Variants in CA10 observed in about 807,000 individuals in gnomAD.
CA10 encodes carbonic anhydrase-related protein 10.
Under a neutral mutation model 44.2 loss-of-function variants are expected in CA10, and 14 were observed. The observed-to-expected ratio is 0.32, with a 90% CI of 0.21 to 0.50. The LOEUF is 0.50. Ranked by LOEUF, CA10 falls within the 20% of genes least tolerant of loss-of-function variation. The pLI, the probability that CA10 is intolerant of heterozygous loss-of-function variation, is 0.99. For synonymous variants in CA10, 159 were observed against 141.6 expected (o/e 1.12, Z -0.87); for missense variants, 350 against 409.7 (o/e 0.85, Z 1.26).
At chr17:51,969,439 TTAC>T (rs1158425358) in intron 2 of CA10, among the ~76,000 whole-genome samples, 50 of 152,174 alleles carry the variant, frequency 3.3e-4, no homozygotes, top group African/African-American at 1.2e-3. Flanking sequence ...GCCCTTTCTA[TTAC>T]TACTACACCA....
At chr17:51,933,189 G>A (rs943318496) in intron 2 of CA10, among the ~76,000 whole-genome samples, 1 of 152,250 alleles carries the variant, frequency 6.6e-6, no homozygotes, top group African/African-American at 2.4e-5. Flanking sequence ...CTCAGAACAT[G>A]TGAATATGCT....
chr17:51,689,936 A>C (rs979566138), intron 4 of CA10, among the ~76,000 whole-genome samples: 44 of 151,580 alleles, frequency 2.9e-4, no homozygotes, highest in Admixed American at 2.9e-3. Context: ...AGAACACTTA[A>C]AATCTACTCT....
rs975523655 is a variant in CA10, at chr17:51,679,475, A to C, written c.466-25739T>G. On this transcript the variant is annotated intron_variant, in intron 4 of 8. Transcript: ENST00000451037. ...ATGGGGTTTCACCGTGTTAGCCAGG[A>C]TGGTCTTGATCTCCTGACCTCGTGA... is the stretch of plus-strand genomic sequence containing the variant. 2.4e-4 allele frequency among the ~76,000 whole-genome samples: 36 copies of C among 151,300 alleles called. 2 individuals carry two copies. Among genetic ancestry groups the C allele is most frequent in the Admixed American group, 6.6e-5 (1 of 15,188 alleles).
intron 3 of CA10, among the ~76,000 whole-genome samples, chr17:51,757,129 T>C (rs1391218480): frequency 6.6e-6 from 1 of 152,210 alleles, no homozygotes; most frequent in Non-Finnish European, 1.5e-5. Flanking sequence ...TTCTTTGCAA[T>C]GTAATTAGTG....
chr17:51,648,883 C>T (rs185228204), intron 6 of CA10, among the ~76,000 whole-genome samples: 34 of 152,256 alleles, frequency 2.2e-4, no homozygotes, highest in Middle Eastern at 6.8e-3. Context: ...CCAGCTGACA[C>T]GGTGGAGCGT....
At chr17:51,747,871 C>T (rs1904758050) in intron 3 of CA10, 53 bp from the exon 4 acceptor site, 23 of 1,391,140 alleles carry the variant, frequency 1.7e-5, no homozygotes, top group Non-Finnish European at 2.2e-5. Context: ...TCTATGCCTC[C>T]CCAAACCCAG....
intron 1 of CA10, among the ~76,000 whole-genome samples, chr17:52,086,453 G>A (rs1343235501): frequency 2.6e-5 from 4 of 152,180 alleles, no homozygotes; most frequent in African/African-American, 9.7e-5. Flanking sequence ...TTTTTCAAAA[G>A]TTGTTTTCCT....
intron 2 of CA10, among the ~76,000 whole-genome samples, chr17:52,021,556 A>G (rs1215442428): frequency 6.6e-6 from 1 of 152,060 alleles, no homozygotes; most frequent in East Asian, 1.9e-4. Flanking sequence ...ATAATTAGTA[A>G]TGTTGTATGT....
chr17:51,717,078 T>G (rs946878817), intron 4 of CA10, among the ~76,000 whole-genome samples: 2 of 152,154 alleles, frequency 1.3e-5, no homozygotes, highest in Non-Finnish European at 2.9e-5. Flanking sequence ...GGCACAGAGC[T>G]CCTAAAACCC....
intron 3 of CA10, among the ~76,000 whole-genome samples, chr17:51,753,082 G>A (rs1366358336): frequency 6.6e-6 from 1 of 152,166 alleles, no homozygotes; most frequent in Non-Finnish European, 1.5e-5. Flanking sequence ...CTAGCCTGCT[G>A]AAGTTCATCC....
At chr17:51,887,627 C>T (rs1010838584) in intron 3 of CA10, among the ~76,000 whole-genome samples, 13 of 152,096 alleles carry the variant, frequency 8.5e-5, no homozygotes, top group African/African-American at 3.1e-4. Flanking sequence ...ATGCGAACAA[C>T]ATCACCACTT....
chr17:52,080,742 T>A (rs544634143), intron 1 of CA10, among the ~76,000 whole-genome samples: 22 of 152,098 alleles, frequency 1.4e-4, no homozygotes, highest in African/African-American at 5.3e-4. Flanking sequence ...CGAAATTCCT[T>A]CTTTGTCTAC....
At chr17:51,983,067 TCTG>T (rs1464061379) in intron 2 of CA10, among the ~76,000 whole-genome samples, 1 of 151,762 alleles carries the variant, frequency 6.6e-6, no homozygotes, top group African/African-American at 2.4e-5. Flanking sequence ...CATCTTTGAG[TCTG>T]CTTTCAATTT....
chr17:52,133,963 A>C (rs1220485830), intron 1 of CA10, among the ~76,000 whole-genome samples: 1 of 152,202 alleles, frequency 6.6e-6, no homozygotes, highest in South Asian at 2.1e-4. Flanking sequence ...AGTGAGATCT[A>C]TAAAGGTGTC....
In CA10 at chr17:51,631,220, C is replaced by T. The variant is rs1019210809; in HGVS notation, c.*364G>A. ...GGGTAGATTTATTAGTTCAGGAAAA[C>T]GGTATCAAAATTGAAATCAGGTTAA... On this transcript the variant is annotated 3_prime_UTR_variant, in exon 9 of 9. Transcript: ENST00000451037. 8.7e-5 allele frequency: 19 copies of T among 218,536 alleles called. No individual in the cohort carries two copies. Among genetic ancestry groups the T allele is most frequent in the Middle Eastern group, 1.8e-3 (1 of 554 alleles). 13.5% of individuals were successfully genotyped at this position (218,536 alleles called of 1,614,324 possible).
chr17:51,654,078 G>A (rs1913684304), intron 4 of CA10, among the ~76,000 whole-genome samples: 1 of 152,214 alleles, frequency 6.6e-6, no homozygotes, highest in Admixed American at 6.5e-5. Context: ...GCCCTGTAGG[G>A]GTGGATGTTG....
intron 4 of CA10, among the ~76,000 whole-genome samples, chr17:51,656,922 T>C (rs1406440547): frequency 6.6e-6 from 1 of 152,200 alleles, no homozygotes; most frequent in African/African-American, 2.4e-5. Flanking sequence ...GCATCACCTA[T>C]GTTGGAAAAC....
intron 7 of CA10, among the ~76,000 whole-genome samples, chr17:51,635,428 G>A (rs185441836): frequency 6.6e-6 from 1 of 152,106 alleles, no homozygotes; most frequent in South Asian, 2.1e-4. Flanking sequence ...CACAAGAATC[G>A]CTTGAACCCA....
At chr17:51,696,676 G>T (rs1915410767) in intron 4 of CA10, among the ~76,000 whole-genome samples, 1 of 152,060 alleles carries the variant, frequency 6.6e-6, no homozygotes, top group Non-Finnish European at 1.5e-5. Context: ...TGTGATGTTA[G>T]ATTGTTAATC....
Sources: gnomAD v4.1 joint callset for allele counts (sites outside exome capture counted in the v4.1 genomes callset) on GRCh38, gnomAD v4.1.1 for gene constraint, MANE v1.5 for transcripts, NCBI Gene and HGNC (gene_info 2026-07-23, HGNC 2026-07-21) for gene names.